LDLRAD2: variants seen among roughly 807,000 people sequenced by gnomAD.
The protein encoded by LDLRAD2 is low-density lipoprotein receptor class A domain-containing protein 2.
In LDLRAD2, 25 loss-of-function variants were observed where a neutral mutation model predicts 24.9. The ratio of observed to expected loss-of-function variants is 1.00; its 90% CI spans 0.73 to 1.40. The LOEUF (loss-of-function observed/expected upper bound fraction) is 1.40, where lower values mean the gene tolerates loss of function less well. Among genes scored for constraint, LDLRAD2 ranks in the 40% most tolerant of loss-of-function variants. The pLI is 0.00. For synonymous variants in LDLRAD2, 182 were observed against 166.7 expected (o/e 1.09, Z -0.71); for missense variants, 391 against 366.2 (o/e 1.07, Z -0.55).
intron 3 of LDLRAD2, among the ~76,000 whole-genome samples, chr1:21,819,732 G>A (rs577203660): frequency 3.9e-5 from 6 of 152,000 alleles, no homozygotes; most frequent in Non-Finnish European, 7.4e-5. Context: ...TGGCGGTGAT[G>A]GCTGCACAAT....
Position 21,815,648 on chromosome 1 carries a change from TA to T in LDLRAD2, c.512-289del, listed in dbSNP as rs557166924. 2.4e-3 allele frequency among the ~76,000 whole-genome samples: 361 copies of T among 152,094 alleles called. 6 individuals are homozygous for T. Among genetic ancestry groups the T allele is most frequent in the East Asian group, 2.5e-3 (13 of 5,174 alleles). ...AAAATAATTTAAAAAATATAATAAT[TA>T]AAAAATAATAAAATTAATAACAGTA... is the stretch of plus-strand genomic sequence containing the variant. On this transcript the variant is annotated intron_variant, in intron 2 of 4. Transcript: ENST00000344642.
intron 1 of LDLRAD2, 94 bp from the exon 2 acceptor site, chr1:21,814,304 C>T (rs1211348723): frequency 4.9e-6 from 5 of 1,021,380 alleles, no homozygotes; most frequent in Non-Finnish European, 6.9e-6. Flanking sequence ...TCAGAGAGGG[C>T]GAGTAACTCG....
Position 21,824,411 on chromosome 1 carries a change from G to T in LDLRAD2, c.*2196G>T. 2 of 1,611,606 alleles carry T rather than the reference G, an allele frequency of 1.2e-6. No individual in the cohort carries two copies. Among genetic ancestry groups the T allele is most frequent in the Non-Finnish European group, 1.7e-6 (2 of 1,178,294 alleles). ...AAGCACAGGGTCTCTGGGGTCCCCA[G>T]CCTGGAGAGCAGAGGCTGCCGAGGC... On this transcript the variant is annotated 3_prime_UTR_variant, in exon 5 of 5. Coordinates refer to ENST00000344642, the MANE Select transcript of LDLRAD2 (RefSeq NM_001013693.3). The surrounding 1 kb of genome is among the most constrained non-coding windows in gnomAD (Gnocchi z 5.9).
chr1:21,817,073 G>T (rs531298309), intron 3 of LDLRAD2, among the ~76,000 whole-genome samples: 1 of 152,188 alleles, frequency 6.6e-6, no homozygotes, highest in East Asian at 1.9e-4. Flanking sequence ...CAGCTGCCCA[G>T]GCCTCACTGA....
In LDLRAD2 at chr1:21,822,405, G is replaced by T. The variant is rs1173615953; in HGVS notation, c.*190G>T. On this transcript the variant is annotated 3_prime_UTR_variant, in exon 5 of 5. Coordinates refer to ENST00000344642, the MANE Select transcript of LDLRAD2 (RefSeq NM_001013693.3). Reference sequence around the variant, plus strand: ...AGGCTCCTGCAGATGGGGCAGGGTGGTCATATCCCCCTCCTCTCTCTCTCA... The same window carrying T: ...AGGCTCCTGCAGATGGGGCAGGGTGTTCATATCCCCCTCCTCTCTCTCTCA... 1.6e-6 allele frequency: 1 copy of T among 619,868 alleles called. No homozygotes were observed. 38.4% of individuals were successfully genotyped at this position (619,868 alleles called of 1,614,324 possible). A position where few individuals can be genotyped will look rare whatever the true frequency, so the allele number is the denominator to read the frequency against.
At chr1:21,821,764 CCTGGCCTCTG>C in intron 4 of LDLRAD2, 153 bp downstream of exon 4, 1 of 1,460,024 alleles carries the variant, frequency 6.8e-7, no homozygotes, top group Non-Finnish European at 9.0e-7. Flanking sequence ...CCTCGATGCT[CCTGGCCTCTG>C]CTGGCCTCCT....
chr1:21,822,256 C>T lies in LDLRAD2; in HGVS notation c.*41C>T. On this transcript the variant is annotated 3_prime_UTR_variant, in exon 5 of 5. Transcript: ENST00000344642. ...CTCAGGAGGCCCCTGGCGGGGATAG[C>T]ACCGTTTATTAAGAAAAATCAAGAC... 6.3e-7 allele frequency: 1 copy of T among 1,593,306 alleles called. No individual in the cohort carries two copies. Among genetic ancestry groups the T allele is most frequent in the Non-Finnish European group, 8.6e-7 (1 of 1,161,198 alleles).
intron 1 of LDLRAD2, among the ~76,000 whole-genome samples, chr1:21,813,838 AG>A (rs1002679493): frequency 2.0e-5 from 3 of 151,302 alleles, no homozygotes; most frequent in African/African-American, 7.3e-5. Flanking sequence ...AAAAGCAGGA[AG>A]AAAAGGGGCT....
At chr1:21,821,689 A>G in intron 4 of LDLRAD2, 78 bp downstream of exon 4, 1 of 1,570,936 alleles carries the variant, frequency 6.4e-7, no homozygotes, top group Non-Finnish European at 8.7e-7. Context: ...CAGAGGACCC[A>G]GGCCGAGGCC....
chr1:21,820,391 C>T (rs1264673342), intron 3 of LDLRAD2, among the ~76,000 whole-genome samples: 2 of 151,980 alleles, frequency 1.3e-5, no homozygotes, highest in South Asian at 2.1e-4. Flanking sequence ...GGCGCAGTGG[C>T]GGGCACCTGT....
rs980154989 is a variant in LDLRAD2 at position 21,824,701 on chromosome 1, C to T, written c.*2486C>T. 2.4e-5 allele frequency: 38 copies of T among 1,613,596 alleles called. No individual in the cohort carries two copies. Among genetic ancestry groups the T allele is most frequent in the Non-Finnish European group, 3.2e-5 (38 of 1,179,872 alleles). ...CCATGGGCCCTTCCAATGCCAGTCTCACCTCCTGGAGAAGACATGGCCAGG... is the reference window on the plus strand; with the variant it reads ...CCATGGGCCCTTCCAATGCCAGTCTTACCTCCTGGAGAAGACATGGCCAGG... On this transcript the variant is annotated 3_prime_UTR_variant, in exon 5 of 5. Coordinates refer to ENST00000344642, the MANE Select transcript of LDLRAD2 (RefSeq NM_001013693.3). The surrounding 1 kb of genome is among the most constrained non-coding windows in gnomAD (Gnocchi z 5.9).
Position 21,824,543 on chromosome 1 carries a change from C to T in LDLRAD2, c.*2328C>T, listed in dbSNP as rs1451909286. The T allele has an allele frequency of 1.9e-6, 3 of 1,613,620 alleles. No individual in the cohort carries two copies. The highest frequency in any genetic ancestry group is 3.3e-5 in the Admixed American group (2 of 60,032). Reference sequence around the variant, plus strand: ...GCCGGATACCCACACTCACCACACCCTGCCAGAGCAGGAGGCCACTGGCTG... The same window carrying T: ...GCCGGATACCCACACTCACCACACCTTGCCAGAGCAGGAGGCCACTGGCTG... On this transcript the variant is annotated 3_prime_UTR_variant, in exon 5 of 5. Transcript: ENST00000344642. This position sits in a 1 kb window ranked among gnomAD's most constrained non-coding sequence, Gnocchi z 5.9.
At position 21,824,800 on chromosome 1, in the gene LDLRAD2, G is replaced by A; in HGVS notation, c.*2585G>A. 6.2e-7 allele frequency: 1 copy of A among 1,601,256 alleles called. No homozygotes were observed. The highest frequency in any genetic ancestry group is 1.1e-5 in the South Asian group (1 of 89,626). On this transcript the variant is annotated 3_prime_UTR_variant, in exon 5 of 5. Coordinates refer to ENST00000344642, the MANE Select transcript of LDLRAD2 (RefSeq NM_001013693.3). The surrounding 1 kb of genome is among the most constrained non-coding windows in gnomAD (Gnocchi z 5.9). ...GGCATCTGTGGGAGAGAGGAGGGTG[G>A]TGCCATACCTGCTGCATCAGGCATC... is the stretch of plus-strand genomic sequence containing the variant.
At chr1:21,820,512 G>A (rs1405399276) in intron 3 of LDLRAD2, among the ~76,000 whole-genome samples, 1 of 116,612 alleles carries the variant, frequency 8.6e-6, no homozygotes. Flanking sequence ...GACAGAGCGA[G>A]ACTCCGTCTC....
At chr1:21,814,367 G>A (rs745660807) in intron 1 of LDLRAD2, 31 bp from the exon 2 acceptor site, 5 of 1,538,506 alleles carry the variant, frequency 3.2e-6, no homozygotes, top group Non-Finnish European at 4.4e-6. Flanking sequence ...GTCGCGCCGC[G>A]CGGCTCCAGT....
Position 21,823,237 on chromosome 1 carries a change from A to G in LDLRAD2, c.*1022A>G. ...TCGCCTCGGTTTCTTACAAAAATTC[A>G]TAATAATATTAATAATAATATACTC... On this transcript the variant is annotated 3_prime_UTR_variant, in exon 5 of 5. Coordinates refer to ENST00000344642, the MANE Select transcript of LDLRAD2 (RefSeq NM_001013693.3). The G allele has an allele frequency of 2.3e-6, 3 of 1,279,660 alleles. No individual in the cohort carries two copies. Among genetic ancestry groups the G allele is most frequent in the Non-Finnish European group, 3.1e-6 (3 of 975,612 alleles). The allele number at this position is 1,279,660 out of a possible 1,614,324, so 79.3% of individuals were successfully genotyped here.
In LDLRAD2 at chr1:21,823,442, T is replaced by C. The variant is rs897467; in HGVS notation, c.*1227T>C. Reference sequence around the variant, plus strand: ...GGTTCTTGACACAGCCTGTGATGCCTGAGGAGAATCTGCCCCCGGTCAGCG... The same window carrying C: ...GGTTCTTGACACAGCCTGTGATGCCCGAGGAGAATCTGCCCCCGGTCAGCG... On this transcript the variant is annotated 3_prime_UTR_variant, in exon 5 of 5. Coordinates refer to ENST00000344642, the MANE Select transcript of LDLRAD2 (RefSeq NM_001013693.3). The C allele has an allele frequency of 0.82, 1,299,055 of 1,589,942 alleles. 531,358 individuals carry two copies. The highest frequency in any genetic ancestry group is 0.86 in the Middle Eastern group (5,212 of 6,048).
In LDLRAD2 at chr1:21,823,772, GC is replaced by G; in HGVS notation, c.*1561del. The G allele has an allele frequency of 7.2e-7, 1 of 1,398,582 alleles. No homozygotes were observed. Among genetic ancestry groups the G allele is most frequent in the Non-Finnish European group, 1.0e-6 (1 of 989,006 alleles). The allele number at this position is 1,398,582 out of a possible 1,614,324, so 86.6% of individuals were successfully genotyped here. On this transcript the variant is annotated 3_prime_UTR_variant, in exon 5 of 5. Transcript: ENST00000344642. ...TCCACAAACTTCCTGGTCCTCCCCG[GC>G]CCCACGACAGAGTCCCCTCCCTCTG...
chr1:21,825,063 G>C lies in LDLRAD2; in HGVS notation c.*2848G>C. 1 of 489,934 alleles carries C rather than the reference G, an allele frequency of 2.0e-6. No individual in the cohort carries two copies. The highest frequency in any genetic ancestry group is 3.8e-6 in the Non-Finnish European group (1 of 266,366). 30.3% of individuals were successfully genotyped at this position (489,934 alleles called of 1,614,324 possible). On this transcript the variant is annotated 3_prime_UTR_variant, in exon 5 of 5. Transcript: ENST00000344642. ...TAGCAGTGGTAGGACCTGCAACTTT[G>C]TTACTAGTATTTGCTTATCACATGA... is the stretch of plus-strand genomic sequence containing the variant.
Sources: allele counts gnomAD v4.1 joint callset (sites outside exome capture counted in the v4.1 genomes callset), GRCh38; gene constraint gnomAD v4.1.1; non-coding constraint Gnocchi (gnomAD v3.1); transcripts MANE v1.5; gene names NCBI Gene and HGNC (gene_info 2026-07-23, HGNC 2026-07-21).